Variants in ABCG1 observed in about 807,000 individuals in gnomAD.
ABCG1 encodes ATP-binding cassette sub-family G member 1.
Under a neutral mutation model 69.2 loss-of-function variants are expected in ABCG1, and 29 were observed. The observed-to-expected ratio is 0.42, with a 90% CI of 0.31 to 0.57. ABCG1 has a LOEUF of 0.57. ABCG1 is among the 20% of genes least tolerant of loss of function. The probability of loss-of-function intolerance (pLI) is 0.15; values close to 1 mark genes in which losing one functional copy is unlikely to be tolerated. For synonymous variants in ABCG1, 370 were observed against 374.8 expected (o/e 0.99, Z 0.15); for missense variants, 718 against 898.1 (o/e 0.80, Z 2.56).
chr21:42,276,825 G>C lies in ABCG1; in HGVS notation c.538-70G>C. The C allele has an allele frequency of 6.5e-7, 1 of 1,537,682 alleles. No individual in the cohort carries two copies. Among genetic ancestry groups the C allele is most frequent in the Admixed American group, 1.7e-5 (1 of 59,580 alleles). ...GGCTAGCTGCACCGTGGCCTGCAGT[G>C]CGGGCATGAGGCTCACACTGCCAGT... On this transcript the variant is annotated intron_variant, in intron 4 of 14. Coordinates refer to ENST00000398449, the MANE Select transcript of ABCG1 (RefSeq NM_016818.3). The surrounding 1 kb of genome is among the most constrained non-coding windows in gnomAD (Gnocchi z 5.3).
Position 42,225,788 on chromosome 21 carries a change from A to G in ABCG1, c.160A>G (p.Lys54Glu). Residue 54 changes from lysine to glutamate, a missense_variant, in exon 2 of 15, where the codon AAA becomes GAA. By Grantham distance (56) the Lys-to-Glu change is moderately conservative. Transcript: ENST00000398449. ...GACGGACCTGCTGAATGGACATCTG[A>G]AAAAAGTAGATAATAACCTCACGGA... ...TETDLLNGHLKKVDNNLTEAQ... is the reference protein window; with the variant it reads ...TETDLLNGHLEKVDNNLTEAQ... 4 of 1,613,946 alleles carry G rather than the reference A, an allele frequency of 2.5e-6. No individual in the cohort carries two copies. The highest frequency in any genetic ancestry group is 1.1e-5 in the South Asian group (1 of 91,056).
chr21:42,243,921 C>T (rs2123612498), intron 2 of ABCG1, among the ~76,000 whole-genome samples: 2 of 150,870 alleles, frequency 1.3e-5, no homozygotes, highest in African/African-American at 4.9e-5. Context: ...CGGGTTCACG[C>T]CATTCTCCTG....
intron 2 of ABCG1, among the ~76,000 whole-genome samples, chr21:42,252,399 C>G (rs1211978430): frequency 6.6e-6 from 1 of 152,116 alleles, no homozygotes; most frequent in Non-Finnish European, 1.5e-5. Flanking sequence ...AAGCAGAACC[C>G]AGCTCCTTAA....
Position 42,296,624 on chromosome 21 carries a change from G to T in ABCG1, c.*232G>T, listed in dbSNP as rs199581332. On this transcript the variant is annotated 3_prime_UTR_variant, in exon 15 of 15. Coordinates refer to ENST00000398449, the MANE Select transcript of ABCG1 (RefSeq NM_016818.3). The surrounding 1 kb of genome is among the most constrained non-coding windows in gnomAD (Gnocchi z 5.4). ...CTAGGAAGATGTAGGCAGATTGGTG[G>T]TTTTTTTTTTTTTAACATACAGAAT... is the stretch of plus-strand genomic sequence containing the variant. 1.7e-4 allele frequency: 73 copies of T among 434,408 alleles called. 1 individual carries two copies. The highest frequency in any genetic ancestry group is 5.3e-4 in the South Asian group (19 of 36,080). The allele number at this position is 434,408 out of a possible 1,614,324, so 26.9% of individuals were successfully genotyped here.
chr21:42,220,963 C>T (rs1416446650), intron 1 of ABCG1, among the ~76,000 whole-genome samples: 6 of 151,934 alleles, frequency 3.9e-5, no homozygotes, highest in Non-Finnish European at 5.9e-5. Context: ...ATAATGAATC[C>T]GATGTTTTAA....
chr21:42,214,875 G>A (rs551925743), upstream of ABCG1, among the ~76,000 whole-genome samples: 1 of 152,354 alleles, frequency 6.6e-6, no homozygotes, highest in South Asian at 2.1e-4. Context: ...TTGCCATCAG[G>A]CAGCAGTGGG....
intron 6 of ABCG1, among the ~76,000 whole-genome samples, chr21:42,283,178 C>T (rs987808969): frequency 1.3e-5 from 2 of 152,290 alleles, no homozygotes; most frequent in South Asian, 2.1e-4. Context: ...CAAAGTCCAG[C>T]GAGATTTGAC....
chr21:42,266,553 C>T (rs1348852596), intron 2 of ABCG1, among the ~76,000 whole-genome samples: 1 of 152,134 alleles, frequency 6.6e-6, no homozygotes. Flanking sequence ...ATTTGCTCCT[C>T]TCTGATCATG....
intron 6 of ABCG1, among the ~76,000 whole-genome samples, chr21:42,283,657 C>CCCA (rs1555961623): frequency 6.9e-6 from 1 of 145,326 alleles, no homozygotes; most frequent in Non-Finnish European, 1.5e-5. Flanking sequence ...GAAGTCCCCC[C>CCCA]CCACCCAAAT....
chr21:42,261,729 C>T (rs773641766), intron 2 of ABCG1, among the ~76,000 whole-genome samples: 2 of 152,214 alleles, frequency 1.3e-5, no homozygotes, highest in Non-Finnish European at 2.9e-5. Context: ...ACCTCGGCCG[C>T]GGAGCTCCAT....
At chr21:42,225,101 T>C (rs1015590106) in intron 1 of ABCG1, among the ~76,000 whole-genome samples, 2 of 152,220 alleles carry the variant, frequency 1.3e-5, no homozygotes, top group African/African-American at 4.8e-5. Flanking sequence ...AGCACTATTA[T>C]GAAGAGGTAG....
chr21:42,255,144 A>G (rs892267714), intron 2 of ABCG1, among the ~76,000 whole-genome samples: 1 of 152,270 alleles, frequency 6.6e-6, no homozygotes, highest in Non-Finnish European at 1.5e-5. Context: ...CATGCCTGAC[A>G]GGCAGATGTA....
At chr21:42,253,569 G>A (rs776755547) in intron 2 of ABCG1, among the ~76,000 whole-genome samples, 3 of 152,232 alleles carry the variant, frequency 2.0e-5, no homozygotes, top group Non-Finnish European at 2.9e-5. Flanking sequence ...CCTAGAGAGC[G>A]AGGGTCTTGG....
chr21:42,294,358 G>T (rs563240634), intron 13 of ABCG1, among the ~76,000 whole-genome samples, 184 bp from the exon 14 acceptor site: 10 of 152,310 alleles, frequency 6.6e-5, no homozygotes, highest in Admixed American at 1.3e-4. Flanking sequence ...CAGCCGGGGG[G>T]TCCTCAGAGA....
At chr21:42,248,616 G>A (rs531727586) in intron 2 of ABCG1, among the ~76,000 whole-genome samples, 196 of 152,260 alleles carry the variant, frequency 1.3e-3, no homozygotes, top group African/African-American at 4.5e-3. Flanking sequence ...AGGCAGGTGC[G>A]GTGGCTCACG....
intron 13 of ABCG1, 119 bp from the exon 14 acceptor site, chr21:42,294,423 T>C (rs2069162958): frequency 1.5e-5 from 12 of 779,414 alleles, no homozygotes; most frequent in Non-Finnish European, 2.7e-5. Context: ...AGCATCATCA[T>C]TACCCTGCCC....
chr21:42,280,958 C>A (rs2068797807), intron 5 of ABCG1, among the ~76,000 whole-genome samples: 1 of 152,238 alleles, frequency 6.6e-6, no homozygotes, highest in African/African-American at 2.4e-5. Flanking sequence ...GTTGGCGGCC[C>A]TCAGAGCCAG....
chr21:42,226,840 C>A (rs897609986), intron 2 of ABCG1, among the ~76,000 whole-genome samples: 1 of 152,164 alleles, frequency 6.6e-6, no homozygotes, highest in Admixed American at 6.5e-5. Flanking sequence ...GACTTTGGAA[C>A]AATACAAATG....
intron 5 of ABCG1, among the ~76,000 whole-genome samples, chr21:42,278,183 G>C (rs111446224): frequency 0.012 from 1,816 of 152,310 alleles, 39 homozygotes; most frequent in African/African-American, 0.042. Flanking sequence ...ATGTGTTCCT[G>C]GCCCTTCATG....
Sources: allele counts gnomAD v4.1 joint callset (sites outside exome capture counted in the v4.1 genomes callset), GRCh38; gene constraint gnomAD v4.1.1; non-coding constraint Gnocchi (gnomAD v3.1); transcripts MANE v1.5; gene names NCBI Gene and HGNC (gene_info 2026-07-23, HGNC 2026-07-21).